Variants in STK10 observed in about 807,000 individuals in gnomAD.
STK10 encodes the protein serine/threonine-protein kinase 10.
Under a neutral mutation model 113.8 loss-of-function variants are expected in STK10, and 78 were observed. The ratio of observed to expected loss-of-function variants is 0.69; its 90% CI spans 0.57 to 0.83. The LOEUF (loss-of-function observed/expected upper bound fraction) is 0.83. Among genes scored for constraint, STK10 ranks in the 40% least tolerant of loss-of-function variants. The pLI is 0.00. For synonymous variants in STK10, 465 were observed against 494.7 expected (o/e 0.94, Z 0.80); for missense variants, 1,109 against 1,280.1 (o/e 0.87, Z 2.04).
At chr5:172,079,769 C>T (rs1768391186) in intron 12 of STK10, among the ~76,000 whole-genome samples, 2 of 152,032 alleles carry the variant, frequency 1.3e-5, no homozygotes, top group Admixed American at 6.6e-5. Context: ...ACCATGTTGG[C>T]CAGGCTGGTT....
At chr5:172,056,574 A>C (rs9313573) in intron 15 of STK10, among the ~76,000 whole-genome samples, 12,882 of 152,084 alleles carry the variant, frequency 0.085, 579 homozygotes, top group Non-Finnish European at 0.099. Context: ...GAGCAAAAGA[A>C]AGACACACAC....
At chr5:172,114,466 TATATA>T (rs1769324865) in intron 4 of STK10, 3 of 37,336 alleles carry the variant, frequency 8.0e-5, no homozygotes, top group African/African-American at 3.7e-4. Flanking sequence ...TATATATATA[TATATA>T]TATTTTTTTT....
chr5:172,050,232 G>A (rs527776455), intron 18 of STK10, among the ~76,000 whole-genome samples: 18 of 152,306 alleles, frequency 1.2e-4, no homozygotes, highest in East Asian at 3.9e-4. Flanking sequence ...GCCCTTTAAC[G>A]TCCTGTGTGA....
At chr5:172,076,219 G>A (rs369066477) in intron 12 of STK10, among the ~76,000 whole-genome samples, 1,161 of 68,338 alleles carry the variant, frequency 0.017, 13 homozygotes, top group African/African-American at 0.028. Flanking sequence ...TTGTGGGGGC[G>A]TCCTGTGCAT....
chr5:172,135,198 T>C (rs1378989505), intron 2 of STK10, among the ~76,000 whole-genome samples: 1 of 152,124 alleles, frequency 6.6e-6, no homozygotes, highest in Non-Finnish European at 1.5e-5. Flanking sequence ...ACTTCACACA[T>C]GCTAGAATGC....
intron 2 of STK10, among the ~76,000 whole-genome samples, chr5:172,147,007 T>C (rs1442323009): frequency 6.6e-6 from 1 of 152,242 alleles, no homozygotes; most frequent in Non-Finnish European, 1.5e-5. Context: ...CTCTGGACCT[T>C]CTGAGATACT....
chr5:172,148,882 G>C (rs1009458973), intron 2 of STK10, among the ~76,000 whole-genome samples: 1 of 152,188 alleles, frequency 6.6e-6, no homozygotes, highest in African/African-American at 2.4e-5. Flanking sequence ...TGTAAAATGG[G>C]GGTGACAACA....
chr5:172,121,421 C>G (rs72841794), intron 3 of STK10, among the ~76,000 whole-genome samples: 18,908 of 152,130 alleles, frequency 0.12, 1,194 homozygotes, highest in Non-Finnish European at 0.15. Context: ...CCCACTGCAG[C>G]CTCGATCTCC....
chr5:172,047,016 G>A (rs1176351150), intron 18 of STK10, among the ~76,000 whole-genome samples: 1 of 152,112 alleles, frequency 6.6e-6, no homozygotes, highest in East Asian at 1.9e-4. Flanking sequence ...CAGATATTCC[G>A]TACTTACTCG....
At chr5:172,089,435 T>TGGATGGAAGGATGGATGGATGGATGGAC (rs369416138) in intron 10 of STK10, among the ~76,000 whole-genome samples, 1 of 148,928 alleles carries the variant, frequency 6.7e-6, no homozygotes, top group African/African-American at 2.6e-5. Context: ...GATGGATGGA[T>TGGATGGAAGGATGGATGGATGGATGGAC]GGATGGATGG....
chr5:172,108,195 A>G (rs1323898834), intron 4 of STK10: 1 of 179,032 alleles, frequency 5.6e-6, no homozygotes, highest in Non-Finnish European at 1.2e-5. Flanking sequence ...AAAAATGCAT[A>G]ATGATGTTAA....
At chr5:172,148,830 G>A (rs933692982) in intron 2 of STK10, among the ~76,000 whole-genome samples, 1 of 152,222 alleles carries the variant, frequency 6.6e-6, no homozygotes, top group Non-Finnish European at 1.5e-5. Flanking sequence ...CATGTGGGAC[G>A]AGCCTCTCCA....
chr5:172,108,856 C>T (rs1227690977), intron 4 of STK10, among the ~76,000 whole-genome samples: 1 of 151,894 alleles, frequency 6.6e-6, no homozygotes, highest in East Asian at 1.9e-4. Flanking sequence ...GCAATCTTGG[C>T]TCACTGTAAC....
Position 172,107,991 on chromosome 5 carries a change from G to GT in STK10, c.521-140dup, listed in dbSNP as rs1012781932. On this transcript the variant is annotated intron_variant, in intron 4 of 18. Coordinates refer to ENST00000176763, the MANE Select transcript of STK10 (RefSeq NM_005990.4). ...TAGCAAATTAGAAAGCATTAAAAAT[G>GT]TAAGACTATCTGCTGCTGAGAGGAA... 2.2e-5 allele frequency: 15 copies of GT among 677,256 alleles called. No homozygotes were observed. The African/African-American group carries it at 2.7e-4, about 12-fold the overall frequency. The allele number at this position is 677,256 out of a possible 1,614,324, so 42.0% of individuals were successfully genotyped here.
intron 13 of STK10, among the ~76,000 whole-genome samples, chr5:172,063,311 T>C (rs1362340790): frequency 6.6e-6 from 1 of 151,948 alleles, no homozygotes. Context: ...CTCAGATAAA[T>C]AAATAATGTG....
intron 2 of STK10, among the ~76,000 whole-genome samples, chr5:172,130,351 C>A (rs1261360942): frequency 6.6e-6 from 1 of 152,158 alleles, no homozygotes; most frequent in East Asian, 1.9e-4. Context: ...GCCAAAATGG[C>A]AAAACCCCGT....
chr5:172,100,910 G>C (rs1768976501), intron 7 of STK10, among the ~76,000 whole-genome samples: 1 of 152,106 alleles, frequency 6.6e-6, no homozygotes, highest in Admixed American at 6.6e-5. Context: ...TTCATTCGGA[G>C]AGGCAGCTTA....
chr5:172,098,309 G>T (rs1358885865), intron 7 of STK10, among the ~76,000 whole-genome samples: 1 of 152,170 alleles, frequency 6.6e-6, no homozygotes, highest in Non-Finnish European at 1.5e-5. Context: ...AGCTGAGGGT[G>T]GTGGAGACTA....
chr5:172,082,534 T>C lies in STK10; in HGVS notation c.1810-29A>G, dbSNP rs73801840. 7.7e-3 allele frequency: 11,858 copies of C among 1,548,096 alleles called. 783 individuals are homozygous for C. The African/African-American group carries it at 0.14, about 19-fold the overall frequency. On this transcript the variant is annotated intron_variant, in intron 11 of 18. Transcript: ENST00000176763. This position sits in a 1 kb window ranked among gnomAD's most constrained non-coding sequence, Gnocchi z 4.3. Reference sequence around the variant, plus strand: ...AAAGGAGCAGAAATTCTGAGAAACTTAGCGAAGTCACTTTATACCTGGGAG... The same window carrying C: ...AAAGGAGCAGAAATTCTGAGAAACTCAGCGAAGTCACTTTATACCTGGGAG...
Sources: allele counts gnomAD v4.1 joint callset (sites outside exome capture counted in the v4.1 genomes callset), GRCh38; gene constraint gnomAD v4.1.1; non-coding constraint Gnocchi (gnomAD v3.1); transcripts MANE v1.5; gene names NCBI Gene and HGNC (gene_info 2026-07-23, HGNC 2026-07-21).